Variants in HDGFL3 observed in about 807,000 individuals in gnomAD.
HDGFL3 encodes hepatoma-derived growth factor-related protein 3.
In HDGFL3, 6 loss-of-function variants were observed where a neutral mutation model predicts 27.6. That is an observed-to-expected ratio of 0.22 (90% confidence interval 0.12 to 0.43). The LOEUF is 0.43. HDGFL3 is among the 20% of genes least tolerant of loss of function. The pLI, the probability that HDGFL3 is intolerant of heterozygous loss-of-function variation, is 1.00. For missense variants in HDGFL3, 207 were observed against 250.1 expected (o/e 0.83, Z 1.16); for synonymous variants, 88 against 88.9 (o/e 0.99, Z 0.05).
chr15:83,190,469 T>C (rs994678817), intron 1 of HDGFL3, among the ~76,000 whole-genome samples: 1 of 152,228 alleles, frequency 6.6e-6, no homozygotes, highest in African/African-American at 2.4e-5. Context: ...CTTTAACATA[T>C]GATACTGGCA....
intron 1 of HDGFL3, among the ~76,000 whole-genome samples, chr15:83,202,060 A>G (rs1455967718): frequency 6.6e-6 from 1 of 152,114 alleles, no homozygotes; most frequent in Non-Finnish European, 1.5e-5. Context: ...TAAATTTATC[A>G]CCTTCTTAGT....
At chr15:83,171,691 A>T (rs1024617562) in intron 1 of HDGFL3, among the ~76,000 whole-genome samples, 1 of 150,520 alleles carries the variant, frequency 6.6e-6, no homozygotes, top group African/African-American at 2.4e-5. Flanking sequence ...CTAAGTAATG[A>T]GTATGCATGA....
At chr15:83,173,023 GTGT>G (rs1325665397) in intron 1 of HDGFL3, among the ~76,000 whole-genome samples, 1 of 152,122 alleles carries the variant, frequency 6.6e-6, no homozygotes, top group East Asian at 1.9e-4. Context: ...CTTCAATCCT[GTGT>G]TGTTCAAGAG....
At chr15:83,183,473 C>T (rs540292782) in intron 1 of HDGFL3, among the ~76,000 whole-genome samples, 2 of 152,180 alleles carry the variant, frequency 1.3e-5, no homozygotes, top group South Asian at 4.1e-4. Context: ...ATATAAAGAG[C>T]ACCTTGGCTG....
chr15:83,190,302 T>C (rs1294337973), intron 1 of HDGFL3, among the ~76,000 whole-genome samples: 2 of 152,106 alleles, frequency 1.3e-5, no homozygotes, highest in East Asian at 1.9e-4. Context: ...TTCTGTTATA[T>C]GTATTTCTCT....
At chr15:83,178,902 T>C (rs901051254) in intron 1 of HDGFL3, among the ~76,000 whole-genome samples, 4 of 152,204 alleles carry the variant, frequency 2.6e-5, no homozygotes, top group African/African-American at 9.6e-5. Context: ...TCTACTGTGG[T>C]GTAAGACCTA....
intron 1 of HDGFL3, among the ~76,000 whole-genome samples, chr15:83,182,357 C>T (rs1208829070): frequency 3.9e-5 from 6 of 152,086 alleles, no homozygotes; most frequent in African/African-American, 7.2e-5. Flanking sequence ...AAGGTATGTC[C>T]ACACAAAGAT....
At chr15:83,126,863 A>T, downstream of HDGFL3, 1 of 1,580,070 alleles carries the variant, frequency 6.3e-7, no homozygotes, top group Non-Finnish European at 8.6e-7. Flanking sequence ...GTAGTTATGA[A>T]GCCTAAGATT....
At chr15:83,164,918 A>G (rs1440476310) in intron 1 of HDGFL3, among the ~76,000 whole-genome samples, 1 of 152,242 alleles carries the variant, frequency 6.6e-6, no homozygotes, top group Non-Finnish European at 1.5e-5. Context: ...GGAGTTGTTT[A>G]TAAGCATGCT....
intron 1 of HDGFL3, among the ~76,000 whole-genome samples, chr15:83,197,967 G>C (rs142730066): frequency 0.06 from 8,680 of 145,700 alleles, 302 homozygotes; most frequent in Middle Eastern, 0.075. Context: ...GGCGGGGAGG[G>C]GGTGATGAGG....
downstream of HDGFL3, among the ~76,000 whole-genome samples, chr15:83,125,589 G>T (rs1007415172): frequency 6.6e-6 from 1 of 152,188 alleles, no homozygotes; most frequent in African/African-American, 2.4e-5. Flanking sequence ...ATTGATCAGT[G>T]ATCCTTCACA....
chr15:83,123,002 C>G, downstream of HDGFL3: 1 of 1,092,690 alleles, frequency 9.2e-7, no homozygotes, highest in Non-Finnish European at 1.3e-6. Context: ...AACAGTGCGA[C>G]TGTTTTGATT....
At position 83,207,355 on chromosome 15, in the gene HDGFL3, C is replaced by T; in HGVS notation, c.60G>A (p.Lys20=). 7.1e-7 allele frequency: 1 copy of T among 1,401,260 alleles called. No homozygotes were observed. Among genetic ancestry groups the T allele is most frequent in the Non-Finnish European group, 9.3e-7 (1 of 1,072,524 alleles). 86.8% of individuals were successfully genotyped at this position (1,401,260 alleles called of 1,614,324 possible). Residue 20 remains lysine (K), a synonymous_variant, in exon 1 of 6, where the codon AAG becomes AAA. Transcript: ENST00000299633. This position sits in a 1 kb window ranked among gnomAD's most constrained non-coding sequence, Gnocchi z 4.8. ...KAGDLVFAKM[K]GYPHWPARID... ...CCCGGGCCGGCCAGTGCGGGTAGCC[C>T]TTCATCTTGGCGAAGACCAGGTCGC...
chr15:83,196,586 G>A (rs1253573690), intron 1 of HDGFL3, among the ~76,000 whole-genome samples: 3 of 151,810 alleles, frequency 2.0e-5, no homozygotes, highest in African/African-American at 7.3e-5. Context: ...AGGAAAACTA[G>A]CTTTAAAAGT....
At chr15:83,178,392 A>G (rs1011339623) in intron 1 of HDGFL3, among the ~76,000 whole-genome samples, 11 of 152,222 alleles carry the variant, frequency 7.2e-5, no homozygotes, top group Non-Finnish European at 1.3e-4. Context: ...TTTCACTAGA[A>G]TAACCTCCTG....
intron 2 of HDGFL3, 35 bp from the exon 3 acceptor site, chr15:83,158,076 T>A (rs746741212): frequency 2.3e-5 from 36 of 1,560,014 alleles, no homozygotes; most frequent in Non-Finnish European, 3.0e-5. Context: ...ATTGACACAC[T>A]GACCTTCAAA....
intron 2 of HDGFL3, 22 bp downstream of exon 2, chr15:83,163,977 G>A (rs1421021555): frequency 6.4e-7 from 1 of 1,554,580 alleles, no homozygotes; most frequent in East Asian, 2.2e-5. Context: ...TAGAGCTGTT[G>A]AAACTATTTT....
chr15:83,122,238 C>T (rs2035325486), intron 3 of HDGFL3, among the ~76,000 whole-genome samples: 1 of 152,046 alleles, frequency 6.6e-6, no homozygotes, highest in Admixed American at 6.6e-5. Flanking sequence ...TCAGGGATTC[C>T]TGTTTTTTTA....
In HDGFL3 at chr15:83,132,512, C is replaced by T. The variant is rs2036321803; in HGVS notation, c.*6758G>A. 1 of 151,992 alleles carries T rather than the reference C, an allele frequency of 6.6e-6. No homozygotes were observed. The highest frequency in any genetic ancestry group is 2.1e-4 in the South Asian group (1 of 4,818). 9.4% of individuals were successfully genotyped at this position (151,992 alleles called of 1,614,324 possible). ...TTTTTCTCACAAAGAGATATGGAAA[C>T]TTACGTGTGAATAATTTGGTTGTGA... On this transcript the variant is annotated 3_prime_UTR_variant, in exon 6 of 6. Coordinates refer to ENST00000299633, the MANE Select transcript of HDGFL3 (RefSeq NM_016073.4).
Sources: allele counts gnomAD v4.1 joint callset (sites outside exome capture counted in the v4.1 genomes callset), GRCh38; gene constraint gnomAD v4.1.1; non-coding constraint Gnocchi (gnomAD v3.1); transcripts MANE v1.5; gene names NCBI Gene and HGNC (gene_info 2026-07-23, HGNC 2026-07-21).